The following IL1R2 variants were observed in gnomAD, a reference collection of about 807,000 sequenced individuals.
The protein encoded by IL1R2 is interleukin 1 receptor type 2.
IL1R2 carries 46 observed loss-of-function variants against 39.5 expected under a neutral mutation model. The ratio of observed to expected loss-of-function variants is 1.16; its 90% CI spans 0.92 to 1.49. The LOEUF (loss-of-function observed/expected upper bound fraction) is 1.49, where lower values mean the gene tolerates loss of function less well. IL1R2 is among the 40% of genes most tolerant of loss of function. IL1R2 has a pLI of 0.00. For synonymous variants in IL1R2, 207 were observed against 189.6 expected (o/e 1.09, Z -0.75); for missense variants, 537 against 502.0 (o/e 1.07, Z -0.67).
intron 8 of IL1R2, among the ~76,000 whole-genome samples, chr2:102,026,769 A>G (rs1401526030): frequency 6.6e-6 from 1 of 152,216 alleles, no homozygotes; most frequent in African/African-American, 2.4e-5. Flanking sequence ...AAGAAGAGGA[A>G]AACCCACATT....
At chr2:101,997,922 A>G (rs1434221956) in intron 1 of IL1R2, among the ~76,000 whole-genome samples, 1 of 152,094 alleles carries the variant, frequency 6.6e-6, no homozygotes, top group Non-Finnish European at 1.5e-5. Context: ...CTGGAGCCCA[A>G]AGGGTCTTTT....
intron 1 of IL1R2, among the ~76,000 whole-genome samples, chr2:101,994,242 A>C (rs1326586905): frequency 6.6e-6 from 1 of 151,958 alleles, no homozygotes; most frequent in African/African-American, 2.4e-5. Flanking sequence ...TCCCTTCTAC[A>C]TCCCCACTCC....
intron 1 of IL1R2, among the ~76,000 whole-genome samples, chr2:101,995,208 G>T (rs913704696): frequency 6.6e-6 from 1 of 152,316 alleles, no homozygotes; most frequent in East Asian, 1.9e-4. Flanking sequence ...ACATGTGCTG[G>T]GTGGGCCTGA....
chr2:102,014,316 T>C lies in IL1R2; in HGVS notation c.333-1555T>C, dbSNP rs1475245040. Among the ~76,000 whole-genome samples, 4 of 152,220 alleles carry C rather than the reference T, an allele frequency of 2.6e-5. No individual in the cohort carries two copies. The East Asian group carries it at 7.7e-4, about 29-fold the overall frequency. Reference sequence around the variant, plus strand: ...ATAGTAATTCCTACTTCATGGGGGCTGGACTATAAGTGAAATAACGTGTGC... The same window carrying C: ...ATAGTAATTCCTACTTCATGGGGGCCGGACTATAAGTGAAATAACGTGTGC... On this transcript the variant is annotated intron_variant, in intron 3 of 8. Transcript: ENST00000332549.
At chr2:102,011,425 A>C (rs1485511530) in intron 3 of IL1R2, among the ~76,000 whole-genome samples, 1 of 152,250 alleles carries the variant, frequency 6.6e-6, no homozygotes, top group Non-Finnish European at 1.5e-5. Flanking sequence ...GATAATAATC[A>C]TCCTAATGGG....
chr2:102,027,225 A>T (rs1478311756), intron 8 of IL1R2, among the ~76,000 whole-genome samples: 1 of 152,208 alleles, frequency 6.6e-6, no homozygotes, highest in Non-Finnish European at 1.5e-5. Context: ...TTTGAGAATG[A>T]GGGCACACAT....
In IL1R2 at chr2:102,028,418, C is replaced by A. The variant is rs1677868831; in HGVS notation, c.*26C>A. ...AATAAATGGAATGAAATAATTCAAA[C>A]ACAAACTCCGTACGTCTTCTCTTAT... On this transcript the variant is annotated 3_prime_UTR_variant, in exon 9 of 9. Coordinates refer to ENST00000332549, the MANE Select transcript of IL1R2 (RefSeq NM_004633.4). 1.9e-6 allele frequency: 3 copies of A among 1,553,450 alleles called. No individual in the cohort carries two copies. The highest frequency in any genetic ancestry group is 2.7e-5 in the African/African-American group (2 of 73,750).
At chr2:102,006,045 GCA>G (rs1186707023) in intron 1 of IL1R2, among the ~76,000 whole-genome samples, 1 of 152,166 alleles carries the variant, frequency 6.6e-6, no homozygotes, top group African/African-American at 2.4e-5. Context: ...TCAATATTTG[GCA>G]CAATAGCTAT....
chr2:102,018,439 C>A lies in IL1R2; in HGVS notation c.514-1199C>A, dbSNP rs1194033533. 2.0e-5 allele frequency among the ~76,000 whole-genome samples: 3 copies of A among 152,186 alleles called. No homozygotes were observed. In the East Asian group the frequency reaches 5.8e-4, roughly 29 times the overall value. ...GTAAAGTGGCAATTAATAACTTTCA[C>A]CACCTGGGATTGTTTCAAAGATTAA... On this transcript the variant is annotated intron_variant, in intron 4 of 8. Coordinates refer to ENST00000332549, the MANE Select transcript of IL1R2 (RefSeq NM_004633.4).
At chr2:102,015,721 G>A (rs2282744) in intron 3 of IL1R2, 150 bp from the exon 4 acceptor site, 93,298 of 641,930 alleles carry the variant, frequency 0.15, 8,359 homozygotes, top group East Asian at 0.31. Context: ...AAAATCCTAA[G>A]TTGAACCATC....
At chr2:102,007,193 G>C (rs915562099) in intron 1 of IL1R2, among the ~76,000 whole-genome samples, 1 of 152,176 alleles carries the variant, frequency 6.6e-6, no homozygotes, top group African/African-American at 2.4e-5. Context: ...GTGTGAGAAG[G>C]TCATCAGGGA....
rs1204323202 is a variant in IL1R2, at chr2:102,009,616, T to C, written c.122T>C (p.Leu41Pro). The change falls in exon 3 of 9, where the codon CTG (leucine) becomes CCG (proline). Residue 41 changes from leucine to proline, a missense_variant. Leu to Pro is a moderately conservative substitution (Grantham distance 98). Coordinates refer to ENST00000332549, the MANE Select transcript of IL1R2 (RefSeq NM_004633.4). ...AGGCATTACAAGCGGGAGTTCAGGC[T>C]GGAAGGGGAGCCTGTAGCCCTGAGG... ...RGRHYKREFR[L>P]EGEPVALRCP... 8 of 1,614,056 alleles carry C rather than the reference T, an allele frequency of 5.0e-6. No homozygotes were observed. The highest frequency in any genetic ancestry group is 6.8e-6 in the Non-Finnish European group (8 of 1,180,044).
rs757509448 is a variant in IL1R2, at chr2:102,022,285, G to C, written c.751+36G>C. ...CAAGGACCATGCATTCCACGCACCTGTGGGGGTGCCTGGTATCCCAATGCA... is the reference window on the plus strand; with the variant it reads ...CAAGGACCATGCATTCCACGCACCTCTGGGGGTGCCTGGTATCCCAATGCA... On this transcript the variant is annotated intron_variant, in intron 6 of 8. Coordinates refer to ENST00000332549, the MANE Select transcript of IL1R2 (RefSeq NM_004633.4). 12 of 1,566,270 alleles carry C rather than the reference G, an allele frequency of 7.7e-6. No homozygotes were observed. The East Asian group carries it at 2.7e-4, about 35-fold the overall frequency.
chr2:102,023,899 A>G (rs1490721909), intron 6 of IL1R2, among the ~76,000 whole-genome samples: 3 of 151,482 alleles, frequency 2.0e-5, no homozygotes, highest in East Asian at 1.9e-4. Flanking sequence ...ATACAAAAAA[A>G]ATTAGCCGGG....
chr2:102,004,021 C>T (rs1676106691), intron 1 of IL1R2, among the ~76,000 whole-genome samples: 1 of 142,098 alleles, frequency 7.0e-6, no homozygotes, highest in South Asian at 2.1e-4. Flanking sequence ...ATGTCTATGT[C>T]TATGTCTATG....
intron 1 of IL1R2, among the ~76,000 whole-genome samples, chr2:101,996,434 G>T (rs182026973): frequency 7.3e-4 from 111 of 151,172 alleles, no homozygotes; most frequent in African/African-American, 2.4e-3. Flanking sequence ...TTTGCTGAGG[G>T]TGAGAGATTT....
intron 3 of IL1R2, chr2:102,010,045 C>T (rs530109514): frequency 1.2e-5 from 7 of 574,348 alleles, no homozygotes; most frequent in South Asian, 4.4e-5. Flanking sequence ...TTGGAGACAA[C>T]GTCCCTAGCC....
chr2:102,003,883 TTGTGTCTGTGTC>T (rs1170446056), intron 1 of IL1R2, among the ~76,000 whole-genome samples: 1 of 149,768 alleles, frequency 6.7e-6, no homozygotes, highest in African/African-American at 2.5e-5. Context: ...GTGGTTGTGT[TTGTGTCTGTGTC>T]TGTGTCTCTG....
intron 1 of IL1R2, among the ~76,000 whole-genome samples, chr2:101,993,980 A>G (rs1230470620): frequency 6.6e-6 from 1 of 152,060 alleles, no homozygotes; most frequent in Non-Finnish European, 1.5e-5. Flanking sequence ...TGCCCATTTC[A>G]TCAGCTCTGC....
Sources: gnomAD v4.1 joint callset for allele counts (sites outside exome capture counted in the v4.1 genomes callset) on GRCh38, gnomAD v4.1.1 for gene constraint, MANE v1.5 for transcripts, NCBI Gene and HGNC (gene_info 2026-07-23, HGNC 2026-07-21) for gene names.